COL18A1: variants seen among roughly 807,000 people sequenced by gnomAD.
The protein encoded by COL18A1 is collagen type XVIII alpha 1 chain.
COL18A1 carries 133 observed loss-of-function variants against 168.0 expected under a neutral mutation model. The ratio of observed to expected loss-of-function variants is 0.79; its 90% CI spans 0.69 to 0.91. The LOEUF (loss-of-function observed/expected upper bound fraction) is 0.91. Among genes scored for constraint, COL18A1 ranks in the 40% least tolerant of loss-of-function variants. The pLI is 0.00. For synonymous variants in COL18A1, 949 were observed against 809.0 expected, an observed-to-expected ratio of 1.17 and a Z score of -2.94; for missense variants, 2,126 against 1,925.4, an observed-to-expected ratio of 1.10 and a Z score of -1.95.
intron 26 of COL18A1, 53 bp from the exon 27 acceptor site, chr21:45,494,492 C>T: frequency 2.5e-6 from 4 of 1,612,050 alleles, no homozygotes; most frequent in Non-Finnish European, 3.4e-6. Flanking sequence ...AGAGAGGCTG[C>T]CAGGTGGGGC....
chr21:45,432,768 G>T (rs1358753087), intron 2 of COL18A1, among the ~76,000 whole-genome samples: 5 of 152,180 alleles, frequency 3.3e-5, no homozygotes, highest in African/African-American at 1.2e-4. Context: ...TGTGGGTCAG[G>T]GTGGGACATG....
At chr21:45,478,439 AAACGCGAC>A in intron 9 of COL18A1, 86 bp downstream of exon 9, 3 of 1,578,688 alleles carry the variant, frequency 1.9e-6, no homozygotes, top group Non-Finnish European at 2.6e-6. Context: ...CACTCTTTTT[AAACGCGAC>A]CCAGTGAGGA....
chr21:45,456,521 G>A (rs1217157250), intron 2 of COL18A1: 5 of 1,547,894 alleles, frequency 3.2e-6, no homozygotes, highest in East Asian at 4.9e-5. Context: ...CGAGGCCCCC[G>A]CCGGTCGCTG....
intron 29 of COL18A1, chr21:45,496,251 C>T (rs915600547): frequency 7.2e-6 from 5 of 693,446 alleles, no homozygotes; most frequent in Admixed American, 2.0e-5. Flanking sequence ...AGACGCAGAC[C>T]CGGTGGCCTC....
chr21:45,440,559 C>T (rs886178276), intron 2 of COL18A1, among the ~76,000 whole-genome samples: 9 of 141,606 alleles, frequency 6.4e-5, no homozygotes, highest in African/African-American at 2.3e-4. Flanking sequence ...CGGAAGCAGT[C>T]GGGGCCTGCT....
At chr21:45,456,611 G>A (rs1022393399) in intron 2 of COL18A1, 26 of 1,540,252 alleles carry the variant, frequency 1.7e-5, no homozygotes, top group East Asian at 7.3e-5. Context: ...CCTCCACCAC[G>A]AGAGCGGCGA....
chr21:45,482,052 A>T, intron 14 of COL18A1, 27 bp downstream of exon 14: 1 of 1,588,440 alleles, frequency 6.3e-7, no homozygotes, highest in South Asian at 1.1e-5. Context: ...GTCCAGGGTG[A>T]GTGGGAACCA....
intron 20 of COL18A1, among the ~76,000 whole-genome samples, 191 bp downstream of exon 20, chr21:45,490,537 C>CCTCCGTGTGCCCTCCTGGGT (rs754367752): frequency 9.2e-6 from 1 of 108,134 alleles, no homozygotes; most frequent in Admixed American, 8.5e-5. Flanking sequence ...GGTCTCTGGG[C>CCTCCGTGTGCCCTCCTGGGT]CTCCGTGTGC....
chr21:45,490,947 A>T, intron 21 of COL18A1, 76 bp downstream of exon 21: 2 of 1,380,476 alleles, frequency 1.4e-6, no homozygotes, highest in Non-Finnish European at 2.0e-6. Flanking sequence ...CAGCTGCCCC[A>T]GGTCCGTGCC....
At chr21:45,493,318 C>A (rs2036423774) in intron 25 of COL18A1, 93 bp downstream of exon 25, 4 of 1,414,898 alleles carry the variant, frequency 2.8e-6, no homozygotes, top group Admixed American at 2.0e-5. Context: ...GGACCTGGGA[C>A]CCCCCGGCTG....
chr21:45,482,121 G>T, intron 14 of COL18A1, 96 bp downstream of exon 14: 1 of 901,068 alleles, frequency 1.1e-6, no homozygotes, highest in Non-Finnish European at 1.8e-6. Context: ...AAGGGGAAAT[G>T]CCAGGAATAG....
chr21:45,452,991 A>G, intron 2 of COL18A1, among the ~76,000 whole-genome samples: 1 of 151,096 alleles, frequency 6.6e-6, no homozygotes, highest in Admixed American at 6.6e-5. Flanking sequence ...TTCACATGTG[A>G]CATGTGAGCC....
At chr21:45,407,823 C>T (rs1171086427) in intron 2 of COL18A1, among the ~76,000 whole-genome samples, 1 of 152,262 alleles carries the variant, frequency 6.6e-6, no homozygotes, top group Non-Finnish European at 1.5e-5. Context: ...TGGTGGTCAG[C>T]ACAGAGCCCA....
rs144504947 is a variant in COL18A1 at position 45,476,630 on chromosome 21, TTG to T, written c.928+155_928+156del. 1.2e-4 allele frequency: 117 copies of T among 1,006,982 alleles called. No homozygotes were observed. The East Asian group carries it at 2.6e-3, about 23-fold the overall frequency. 62.4% of individuals were successfully genotyped at this position (1,006,982 alleles called of 1,614,324 possible). On this transcript the variant is annotated intron_variant, in intron 6 of 41. Coordinates refer to ENST00000651438, the MANE Select transcript of COL18A1 (RefSeq NM_001379500.1). ...CATGTGTGTGTGATATGGCACGTGT[TTG>T]TGTGAAATATATGGCAGGTGTTTGA...
intron 15 of COL18A1, among the ~76,000 whole-genome samples, chr21:45,485,114 C>T (rs895731915): frequency 6.9e-6 from 1 of 145,590 alleles, no homozygotes; most frequent in African/African-American, 2.6e-5. Context: ...TCCCGAGTAA[C>T]TGGGACTACA....
rs977630799 is a variant in COL18A1, at chr21:45,425,301, T to C, written c.106+19828T>C. Among the ~76,000 whole-genome samples, 6 of 151,858 alleles carry C rather than the reference T, an allele frequency of 4.0e-5. No individual in the cohort carries two copies. Among genetic ancestry groups the C allele is most frequent in the African/African-American group, 1.2e-4 (5 of 41,312 alleles). On this transcript the variant is annotated intron_variant, in intron 2 of 41. Coordinates refer to ENST00000651438, the MANE Select transcript of COL18A1 (RefSeq NM_001379500.1). The surrounding 1 kb of genome is among the most constrained non-coding windows in gnomAD (Gnocchi z 4.1). ...GCCGTGTGTGTGTGTGTGCTGTGAG[T>C]GCAGTGTGACCGCGTCCACCTGTCT... is the stretch of plus-strand genomic sequence containing the variant.
intron 2 of COL18A1, among the ~76,000 whole-genome samples, chr21:45,461,446 T>TC (rs111479346): frequency 0.028 from 4,281 of 152,082 alleles, 209 homozygotes; most frequent in African/African-American, 0.097. Context: ...GCACCGTCCA[T>TC]CCGGCACCAG....
At chr21:45,461,939 C>T (rs1184334072) in intron 2 of COL18A1, among the ~76,000 whole-genome samples, 2 of 152,200 alleles carry the variant, frequency 1.3e-5, no homozygotes, top group African/African-American at 4.8e-5. Context: ...GGACCATTTT[C>T]TGCAGGGCAG....
At chr21:45,441,064 C>T (rs142826966) in intron 2 of COL18A1, among the ~76,000 whole-genome samples, 410 of 152,304 alleles carry the variant, frequency 2.7e-3, no homozygotes, top group Middle Eastern at 6.8e-3. Flanking sequence ...CCCGCCTTTC[C>T]GCTCCAAGCT....
Sources: allele counts gnomAD v4.1 joint callset (sites outside exome capture counted in the v4.1 genomes callset), GRCh38; gene constraint gnomAD v4.1.1; non-coding constraint Gnocchi (gnomAD v3.1); transcripts MANE v1.5; gene names NCBI Gene and HGNC (gene_info 2026-07-23, HGNC 2026-07-21).